The following KHDRBS2 variants were observed in gnomAD, a reference collection of about 807,000 sequenced individuals.
KHDRBS2 encodes KH domain-containing, RNA-binding, signal transduction-associated protein 2.
KHDRBS2 carries 26 observed loss-of-function variants against 44.3 expected under a neutral mutation model. The ratio of observed to expected loss-of-function variants is 0.59; its 90% confidence interval spans 0.43 to 0.81. The LOEUF is 0.81. Ranked by LOEUF, KHDRBS2 falls within the 40% of genes least tolerant of loss-of-function variation. The probability of loss-of-function intolerance (pLI) is 0.00; values close to 1 mark genes in which losing one functional copy is unlikely to be tolerated. For synonymous variants in KHDRBS2, 194 were observed against 151.1 expected (o/e 1.28, Z -2.08); for missense variants, 476 against 433.1 (o/e 1.10, Z -0.88).
At chr6:61,604,269 T>C in the KHDRBS2 span, among the ~76,000 whole-genome samples, 1 of 142,254 alleles carries the variant, frequency 7.0e-6, no homozygotes, top group East Asian at 2.1e-4. Flanking sequence ...GCTGGAGTCA[T>C]TCACTGCAAG....
intron 1 of KHDRBS2, among the ~76,000 whole-genome samples, chr6:62,227,789 T>C (rs1160845175): frequency 6.6e-6 from 1 of 152,188 alleles, no homozygotes; most frequent in Non-Finnish European, 1.5e-5. Context: ...GATCATGTGG[T>C]TTTTGTCATT....
intron 1 of KHDRBS2, among the ~76,000 whole-genome samples, chr6:62,240,679 T>C (rs1331038898): frequency 1.1e-5 from 1 of 87,208 alleles, no homozygotes; most frequent in African/African-American, 6.3e-5. Flanking sequence ...TGTGTATATA[T>C]ATATATATAT....
At chr6:62,201,543 T>C (rs1826992499) in intron 1 of KHDRBS2, among the ~76,000 whole-genome samples, 1 of 152,108 alleles carries the variant, frequency 6.6e-6, no homozygotes, top group South Asian at 2.1e-4. Flanking sequence ...ATTTCACAAA[T>C]GAAATCTACC....
At chr6:61,973,629 T>C (rs1367904610) in intron 4 of KHDRBS2, among the ~76,000 whole-genome samples, 1 of 152,158 alleles carries the variant, frequency 6.6e-6, no homozygotes. Context: ...ATTTTTTCTC[T>C]CTTAAATTGA....
At chr6:62,177,416 T>C (rs1821368039) in intron 1 of KHDRBS2, 104 bp from the exon 2 acceptor site, 1 of 871,774 alleles carries the variant, frequency 1.1e-6, no homozygotes, top group African/African-American at 1.7e-5. Context: ...ACTCCTCTTC[T>C]CAAATAAGAT....
At chr6:61,547,070 C>T in the KHDRBS2 span, among the ~76,000 whole-genome samples, 6 of 152,002 alleles carry the variant, frequency 3.9e-5, no homozygotes, top group Admixed American at 3.9e-4. Flanking sequence ...GCCAATGAAC[C>T]TAACGTTCAC....
rs1764298265 is a variant in KHDRBS2, at chr6:61,949,478, T to C, written c.483+28588A>G. Among the ~76,000 whole-genome samples, 3 of 152,122 alleles carry C rather than the reference T, an allele frequency of 2.0e-5. No homozygotes were observed. The South Asian group carries it at 6.2e-4, about 31-fold the overall frequency. On this transcript the variant is annotated intron_variant, in intron 4 of 8. Transcript: ENST00000281156. ...AGCTACAGGACATATTTCACAATTA[T>C]ATGGTTTTACATATATGCTATAACT...
rs185905098 is a variant in KHDRBS2 at position 61,807,273 on chromosome 6, C to T, written c.811-74509G>A. Among the ~76,000 whole-genome samples the T allele has an allele frequency of 1.1e-4, 16 of 152,106 alleles. No individual in the cohort carries two copies. In the East Asian group the frequency reaches 2.5e-3, roughly 24 times the overall value. On this transcript the variant is annotated intron_variant, in intron 6 of 8. Transcript: ENST00000281156. ...CGTGGAAAGCAGTGTGGAAATTCCTCAAGGAACTTAAAGAATTACCATTTG... is the reference window on the plus strand; with the variant it reads ...CGTGGAAAGCAGTGTGGAAATTCCTTAAGGAACTTAAAGAATTACCATTTG...
chr6:61,563,098 C>T, the KHDRBS2 span, among the ~76,000 whole-genome samples: 1 of 152,098 alleles, frequency 6.6e-6, no homozygotes, highest in Non-Finnish European at 1.5e-5. Flanking sequence ...AATTATATTT[C>T]CCTAACACTG....
chr6:61,936,291 A>T (rs1293775316), intron 4 of KHDRBS2, among the ~76,000 whole-genome samples: 1 of 151,852 alleles, frequency 6.6e-6, no homozygotes, highest in Non-Finnish European at 1.5e-5. Flanking sequence ...GTTTTGTTTT[A>T]TACTTTAAAC....
the KHDRBS2 span, among the ~76,000 whole-genome samples, chr6:61,546,319 A>T: frequency 6.6e-6 from 1 of 152,072 alleles, no homozygotes; most frequent in Non-Finnish European, 1.5e-5. Context: ...TTTTAAGAAA[A>T]ACAAAACTTT....
chr6:61,838,440 G>T (rs1793064639), intron 6 of KHDRBS2, among the ~76,000 whole-genome samples: 2 of 151,722 alleles, frequency 1.3e-5, no homozygotes, highest in Admixed American at 1.3e-4. Flanking sequence ...CTTGAATCCT[G>T]GGAATATTTC....
intron 2 of KHDRBS2, among the ~76,000 whole-genome samples, chr6:62,070,510 C>A (rs1384195905): frequency 6.6e-6 from 1 of 151,878 alleles, no homozygotes; most frequent in Non-Finnish European, 1.5e-5. Flanking sequence ...CTACAACAGG[C>A]CCCGGTGTGT....
At chr6:61,668,550 A>C in the KHDRBS2 span, among the ~76,000 whole-genome samples, 1 of 151,088 alleles carries the variant, frequency 6.6e-6, no homozygotes, top group African/African-American at 2.4e-5. Flanking sequence ...GGGAATGCAT[A>C]TTTTAAGTAT....
At chr6:62,030,511 C>G (rs1158119590) in intron 3 of KHDRBS2, among the ~76,000 whole-genome samples, 1 of 151,790 alleles carries the variant, frequency 6.6e-6, no homozygotes, top group East Asian at 1.9e-4. Flanking sequence ...AATATTGGTA[C>G]CTTCATTTAG....
chr6:61,961,876 A>AT (rs1303748894), intron 4 of KHDRBS2, among the ~76,000 whole-genome samples: 1 of 152,126 alleles, frequency 6.6e-6, no homozygotes, highest in African/African-American at 2.4e-5. Flanking sequence ...CAGGACTGAC[A>AT]TGATCTGGAT....
intron 1 of KHDRBS2, among the ~76,000 whole-genome samples, chr6:62,227,736 G>A (rs868469879): frequency 1.9e-4 from 29 of 152,238 alleles, no homozygotes; most frequent in Middle Eastern, 3.4e-3. Flanking sequence ...AACAAGAAGC[G>A]ATGTTGAATT....
intron 6 of KHDRBS2, among the ~76,000 whole-genome samples, chr6:61,734,463 T>C (rs1775002722): frequency 6.6e-6 from 1 of 152,066 alleles, no homozygotes; most frequent in Non-Finnish European, 1.5e-5. Context: ...TTCATTTTTG[T>C]GTTATTAAGT....
At chr6:61,825,893 T>G (rs759818218) in intron 6 of KHDRBS2, among the ~76,000 whole-genome samples, 6 of 152,136 alleles carry the variant, frequency 3.9e-5, no homozygotes, top group Non-Finnish European at 7.4e-5. Context: ...ATTTAAAAAA[T>G]TTTTAGAGCA....
Sources: allele counts gnomAD v4.1 joint callset (sites outside exome capture counted in the v4.1 genomes callset), GRCh38; gene constraint gnomAD v4.1.1; transcripts MANE v1.5; gene names NCBI Gene and HGNC (gene_info 2026-07-23, HGNC 2026-07-21).